Variants in PHF14 observed in about 807,000 individuals in gnomAD.
The protein encoded by PHF14 is PHD finger protein 14.
A neutral mutation model predicts 117.9 loss-of-function variants in PHF14; 55 were observed. The ratio of observed to expected loss-of-function variants is 0.47; its 90% CI spans 0.38 to 0.58. PHF14 has a LOEUF of 0.58. Among genes scored for constraint, PHF14 ranks in the 20% least tolerant of loss-of-function variants. The pLI is 0.00. For synonymous variants in PHF14, 409 were observed against 368.6 expected, an observed-to-expected ratio of 1.11 and a Z score of -1.26; for missense variants, 978 against 1,122.2, an observed-to-expected ratio of 0.87 and a Z score of 1.84.
intron 16 of PHF14, among the ~76,000 whole-genome samples, chr7:11,100,936 G>GA (rs1192180117): frequency 5.3e-5 from 8 of 151,902 alleles, no homozygotes; most frequent in Non-Finnish European, 1.5e-5. Flanking sequence ...ATAAGATACA[G>GA]AATATATTGA....
At chr7:10,974,968 C>A (rs1187041958) in intron 2 of PHF14, 23 bp downstream of exon 2, 2 of 1,171,944 alleles carry the variant, frequency 1.7e-6, no homozygotes, top group African/African-American at 1.5e-5. Context: ...TTCTCTCTTC[C>A]CCTTTCCCAG....
chr7:11,077,804 A>C (rs1400816433), intron 16 of PHF14, among the ~76,000 whole-genome samples: 2 of 152,138 alleles, frequency 1.3e-5, no homozygotes, highest in Admixed American at 6.5e-5. Context: ...TAATAGACAA[A>C]GAATTGCAGT....
At chr7:11,124,340 A>T (rs986818203) in intron 17 of PHF14, among the ~76,000 whole-genome samples, 1 of 152,126 alleles carries the variant, frequency 6.6e-6, no homozygotes, top group Non-Finnish European at 1.5e-5. Flanking sequence ...AATTGCATGT[A>T]TGGCAGTTTA....
At chr7:11,156,101 TTTTCA>T in intron 17 of PHF14, among the ~76,000 whole-genome samples, 1 of 152,166 alleles carries the variant, frequency 6.6e-6, no homozygotes, top group African/African-American at 2.4e-5. Flanking sequence ...CCAGTGGTGG[TTTTCA>T]TTATGGTAAC....
chr7:11,025,761 C>T (rs1583383020), intron 6 of PHF14, among the ~76,000 whole-genome samples: 5 of 151,726 alleles, frequency 3.3e-5, no homozygotes, highest in Admixed American at 3.3e-4. Flanking sequence ...TGCCATTGCC[C>T]TCCAGCCTAG....
At chr7:11,019,574 A>G (rs1783657877) in intron 5 of PHF14, among the ~76,000 whole-genome samples, 1 of 152,118 alleles carries the variant, frequency 6.6e-6, no homozygotes, top group African/African-American at 2.4e-5. Flanking sequence ...TTTCTGCAAT[A>G]TCAGTTATAA....
At chr7:11,027,591 C>T (rs1244924613) in intron 6 of PHF14, among the ~76,000 whole-genome samples, 1 of 151,908 alleles carries the variant, frequency 6.6e-6, no homozygotes, top group Non-Finnish European at 1.5e-5. Context: ...GTAATTTCAA[C>T]AGTTCATACC....
chr7:11,028,180 A>C (rs763147487), intron 6 of PHF14, among the ~76,000 whole-genome samples: 3 of 152,176 alleles, frequency 2.0e-5, no homozygotes, highest in Admixed American at 6.5e-5. Flanking sequence ...ACTTGAACAC[A>C]ATCATCTGAC....
intron 16 of PHF14, among the ~76,000 whole-genome samples, chr7:11,087,696 A>G (rs1161624476): frequency 1.3e-5 from 2 of 152,120 alleles, no homozygotes; most frequent in Admixed American, 1.3e-4. Flanking sequence ...CTTCTCACTT[A>G]ATAATCTCTG....
chr7:11,139,200 T>A (rs1459916748), intron 17 of PHF14, among the ~76,000 whole-genome samples: 4 of 152,128 alleles, frequency 2.6e-5, no homozygotes, highest in Non-Finnish European at 5.9e-5. Flanking sequence ...TATTTATAAT[T>A]TGTTTTAAAA....
chr7:11,053,481 G>GT (rs781149647), intron 14 of PHF14, among the ~76,000 whole-genome samples: 3 of 152,090 alleles, frequency 2.0e-5, no homozygotes, highest in South Asian at 4.1e-4. Context: ...AAGCCGGCTA[G>GT]TTTCTATTTC....
At chr7:11,162,319 G>A (rs1007726693) in intron 17 of PHF14, among the ~76,000 whole-genome samples, 74 of 151,910 alleles carry the variant, frequency 4.9e-4, no homozygotes, top group African/African-American at 1.7e-3. Context: ...CAAACTCCTG[G>A]CCTCAGATGA....
intron 5 of PHF14, 38 bp from the exon 6 acceptor site, chr7:11,022,830 A>G: frequency 2.4e-6 from 3 of 1,232,790 alleles, no homozygotes; most frequent in East Asian, 5.0e-5. Flanking sequence ...GAATTTTATT[A>G]AAAGATTTGA....
chr7:10,990,798 C>T lies in PHF14; in HGVS notation c.996C>T (p.Asp332=), dbSNP rs573869354. The change falls in exon 4 of 18, where the codon GAC becomes GAT. Residue 332 remains aspartate (D), a synonymous_variant. Coordinates refer to ENST00000634607, the MANE Select transcript of PHF14 (RefSeq NM_001007157.2). ...TTTGTCTGGGAGATAATAGTGAGGA[C>T]GCTGATGAAATAATTCAGTGTGACA... is the stretch of plus-strand genomic sequence containing the variant. ...CCVCLGDNSE[D]ADEIIQCDNC... is the part of the protein sequence containing the mutation. The T allele has an allele frequency of 1.5e-4, 235 of 1,588,226 alleles. 1 individual carries two copies. The highest frequency in any genetic ancestry group is 1.3e-3 in the South Asian group (110 of 87,120).
intron 17 of PHF14, among the ~76,000 whole-genome samples, chr7:11,157,729 C>T (rs1430855725): frequency 6.6e-6 from 1 of 152,100 alleles, no homozygotes; most frequent in African/African-American, 2.4e-5. Flanking sequence ...TGTTAGACAT[C>T]CCTCAGTGTT....
Position 11,036,613 on chromosome 7 carries a change from A to T in PHF14, c.1798A>T (p.Thr600Ser). The part of the protein sequence containing the change: ...TDIFPVDNSD[T>S]SSSVDGRRKH... ...TATCTTTCCAGTGGACAATTCAGATACTAGTTCTAGTGTGGATGGAAGGAG... is the reference window on the plus strand; with the variant it reads ...TATCTTTCCAGTGGACAATTCAGATTCTAGTTCTAGTGTGGATGGAAGGAG... The change falls in exon 9 of 18, where the codon ACT (threonine) becomes TCT (serine). Residue 600 changes from threonine to serine, a missense_variant. By Grantham distance (58) the Thr-to-Ser change is moderately conservative. Coordinates refer to ENST00000634607, the MANE Select transcript of PHF14 (RefSeq NM_001007157.2). 6.2e-7 allele frequency: 1 copy of T among 1,613,718 alleles called. No homozygotes were observed. The highest frequency in any genetic ancestry group is 8.5e-7 in the Non-Finnish European group (1 of 1,179,638).
intron 16 of PHF14, among the ~76,000 whole-genome samples, chr7:11,072,702 A>AGAAG (rs3073107): frequency 6.6e-6 from 1 of 151,704 alleles, no homozygotes; most frequent in Admixed American, 6.6e-5. Context: ...ATTGCTATAA[A>AGAAG]TACCTGAGGC....
Position 11,013,881 on chromosome 7 carries a change from A to G in PHF14, c.1180A>G (p.Ile394Val), listed in dbSNP as rs1331788950. The change falls in exon 5 of 18, where the codon ATT (isoleucine) becomes GTT (valine). Residue 394 changes from isoleucine to valine, a missense_variant. Coordinates refer to ENST00000634607, the MANE Select transcript of PHF14 (RefSeq NM_001007157.2). The part of the protein sequence containing the change: ...SCELCPNQDG[I>V]FKETDAGRWV... The stretch of plus-strand genomic sequence containing the variant: ...TGAACTGTGTCCTAATCAGGATGGA[A>G]TTTTCAAGGAGACAGATGCTGGAAG... The G allele has an allele frequency of 6.2e-7, 1 of 1,603,278 alleles. No individual in the cohort carries two copies. Among genetic ancestry groups the G allele is most frequent in the Non-Finnish European group, 8.5e-7 (1 of 1,172,214 alleles).
chr7:11,137,444 A>T (rs983884845), intron 17 of PHF14, among the ~76,000 whole-genome samples: 2 of 152,102 alleles, frequency 1.3e-5, no homozygotes, highest in East Asian at 3.9e-4. Flanking sequence ...GATTTTTAAG[A>T]CATTTATTTA....
Sources: allele counts gnomAD v4.1 joint callset (sites outside exome capture counted in the v4.1 genomes callset), GRCh38; gene constraint gnomAD v4.1.1; transcripts MANE v1.5; gene names NCBI Gene and HGNC (gene_info 2026-07-23, HGNC 2026-07-21).